Variants in FMR1NB observed in about 807,000 individuals in gnomAD.
FMR1NB encodes FMR1 neighbor, also known as FMR1 neighbor protein.
A neutral mutation model predicts 16.8 loss-of-function variants in FMR1NB; 10 were observed. The ratio of observed to expected loss-of-function variants is 0.60; its 90% confidence interval spans 0.37 to 1.01. FMR1NB has a LOEUF of 1.01. FMR1NB is among the 50% of genes least tolerant of loss of function. The pLI is 0.01. For missense variants in FMR1NB, 205 were observed against 204.8 expected (o/e 1.00, Z 0.00); for synonymous variants, 83 against 79.1 (o/e 1.05, Z -0.26).
At chrX:148,006,662 C>A (rs781933975) in intron 2 of FMR1NB, 40 bp from the exon 3 acceptor site, 73 of 1,172,725 alleles carry the variant, frequency 6.2e-5, no homozygotes, top group Admixed American at 1.3e-4. Flanking sequence ...TGGTAACTAA[C>A]CATGCTGAAT....
chrX:148,016,836 A>C (rs2044652290), intron 4 of FMR1NB, among the ~76,000 whole-genome samples: 1 of 110,882 alleles, frequency 9.0e-6, no homozygotes, highest in Non-Finnish European at 1.9e-5. Context: ...GAGTTGTTGC[A>C]GTTAATATTT....
intron 4 of FMR1NB, among the ~76,000 whole-genome samples, chrX:148,017,529 T>C (rs1355017614): frequency 9.2e-6 from 1 of 109,146 alleles, no homozygotes; most frequent in Non-Finnish European, 1.9e-5. Context: ...GACTATTTTC[T>C]TTTTTTTTCT....
chrX:147,985,629 C>G (rs1371717541), intron 1 of FMR1NB, among the ~76,000 whole-genome samples: 11 of 111,806 alleles, frequency 9.8e-5, no homozygotes, highest in Non-Finnish European at 1.7e-4. Flanking sequence ...TCATCCATGT[C>G]CCTGCAAAGG....
chrX:147,993,314 G>A lies in FMR1NB; in HGVS notation c.278-9887G>A, dbSNP rs868957358. Among the ~76,000 whole-genome samples the A allele has an allele frequency of 2.8e-3, 317 of 111,719 alleles. 1 individual carries two copies. The highest frequency in any genetic ancestry group is 9.9e-3 in the African/African-American group (304 of 30,803). On this transcript the variant is annotated intron_variant, in intron 1 of 5. Transcript: ENST00000370467. ...GCAGGCATTCGGCAGACTGAGGCAG[G>A]AGAATCAGGCAGGGAGGTTGCAGTG...
chrX:148,004,472 A>C (rs924371933), intron 2 of FMR1NB, among the ~76,000 whole-genome samples: 5 of 112,560 alleles, frequency 4.4e-5, no homozygotes, highest in Non-Finnish European at 9.4e-5. Context: ...ATTTTGTCCA[A>C]CAAAATAAAA....
intron 1 of FMR1NB, among the ~76,000 whole-genome samples, chrX:148,001,601 T>C (rs2044570771): frequency 9.1e-6 from 1 of 109,653 alleles, no homozygotes; most frequent in African/African-American, 3.3e-5. Context: ...AATACAAAAA[T>C]TAGTTGAGCG....
chrX:147,993,457 A>G lies in FMR1NB; in HGVS notation c.278-9744A>G, dbSNP rs1249091249. 7.2e-5 allele frequency among the ~76,000 whole-genome samples: 8 copies of G among 110,912 alleles called. No individual in the cohort carries two copies. The East Asian group carries it at 2.0e-3, about 28-fold the overall frequency. ...CCCTCACAAATGCCTTCCCTCCTTC[A>G]TCACCATTCCAAAAGTTTTTCTTGT... On this transcript the variant is annotated intron_variant, in intron 1 of 5. Transcript: ENST00000370467.
intron 1 of FMR1NB, among the ~76,000 whole-genome samples, chrX:147,995,440 A>C (rs2044537075): frequency 9.0e-6 from 1 of 111,539 alleles, no homozygotes; most frequent in African/African-American, 3.3e-5. Context: ...TCTGGGATAT[A>C]CCTCCAGTTT....
chrX:148,019,689 A>T, intron 4 of FMR1NB, among the ~76,000 whole-genome samples: 1 of 111,970 alleles, frequency 8.9e-6, no homozygotes, highest in East Asian at 2.8e-4. Context: ...TGGGAAAAAA[A>T]CCAGAATAAT....
chrX:147,998,478 G>T (rs1557188379), intron 1 of FMR1NB, among the ~76,000 whole-genome samples: 1 of 111,683 alleles, frequency 9.0e-6, no homozygotes, highest in Non-Finnish European at 1.9e-5. Context: ...AGAGGAGGGA[G>T]AGCATTAGGA....
At chrX:147,982,665 G>A (rs1363399520) in intron 1 of FMR1NB, among the ~76,000 whole-genome samples, 3 of 108,161 alleles carry the variant, frequency 2.8e-5, no homozygotes, top group East Asian at 2.9e-4. Flanking sequence ...AGGCGGAGGC[G>A]GGTGGATCAC....
At chrX:147,988,824 C>T (rs781949228) in intron 1 of FMR1NB, among the ~76,000 whole-genome samples, 7 of 111,453 alleles carry the variant, frequency 6.3e-5, no homozygotes, top group South Asian at 3.7e-4. Context: ...GTATGCTTCA[C>T]GAAGTTCTCG....
At chrX:148,020,865 G>T (rs1557190547) in intron 4 of FMR1NB, among the ~76,000 whole-genome samples, 1 of 112,094 alleles carries the variant, frequency 8.9e-6, no homozygotes, top group East Asian at 2.8e-4. Flanking sequence ...TAGGGGAGGG[G>T]TGGCACCAAC....
chrX:148,022,342 A>G (rs2124629402), intron 4 of FMR1NB, among the ~76,000 whole-genome samples: 1 of 110,986 alleles, frequency 9.0e-6, no homozygotes, highest in Non-Finnish European at 1.9e-5. Context: ...CCTTCTACCA[A>G]CCTCTGATTA....
At chrX:147,992,226 T>G in intron 1 of FMR1NB, among the ~76,000 whole-genome samples, 1 of 101,150 alleles carries the variant, frequency 9.9e-6, no homozygotes, top group African/African-American at 3.8e-5. Flanking sequence ...CACTTCCCAG[T>G]AGGGGTGGCT....
At chrX:148,008,029 C>T (rs1398034260) in intron 3 of FMR1NB, 1 of 112,203 alleles carries the variant, frequency 8.9e-6, no homozygotes. Context: ...GAATATAAGA[C>T]TAAAATATGC....
intron 4 of FMR1NB, among the ~76,000 whole-genome samples, chrX:148,021,423 T>C: frequency 9.4e-6 from 1 of 106,178 alleles, no homozygotes; most frequent in African/African-American, 3.5e-5. Context: ...CCTGTGTAGA[T>C]AGTTGTTAAA....
chrX:148,024,269 C>T (rs2044692938), intron 4 of FMR1NB, among the ~76,000 whole-genome samples: 1 of 111,576 alleles, frequency 9.0e-6, no homozygotes, highest in Non-Finnish European at 1.9e-5. Flanking sequence ...AAATAGGAAA[C>T]ACACTATCCA....
At chrX:148,019,150 C>T (rs1557190407) in intron 4 of FMR1NB, among the ~76,000 whole-genome samples, 1 of 112,010 alleles carries the variant, frequency 8.9e-6, no homozygotes, top group East Asian at 2.8e-4. Flanking sequence ...TTCAAGGTCA[C>T]TAATTGTTTA....
Sources: allele counts gnomAD v4.1 joint callset (sites outside exome capture counted in the v4.1 genomes callset), GRCh38; gene constraint gnomAD v4.1.1; transcripts MANE v1.5; gene names NCBI Gene and HGNC (gene_info 2026-07-23, HGNC 2026-07-21).